The following MGAT4C variants were observed in gnomAD, a reference collection of about 807,000 sequenced individuals.
MGAT4C encodes the protein MGAT4 family member C.
Under a neutral mutation model 40.1 loss-of-function variants are expected in MGAT4C, and 19 were observed. The ratio of observed to expected loss-of-function variants is 0.47; its 90% CI spans 0.33 to 0.70. The LOEUF (loss-of-function observed/expected upper bound fraction) is 0.70. MGAT4C is among the 30% of genes least tolerant of loss of function. The probability of loss-of-function intolerance (pLI) is 0.02; values close to 1 mark genes in which losing one functional copy is unlikely to be tolerated. For synonymous variants in MGAT4C, 181 were observed against 187.1 expected, an observed-to-expected ratio of 0.97 and a Z score of 0.27; for missense variants, 491 against 563.2, an observed-to-expected ratio of 0.87 and a Z score of 1.30.
chr12:86,554,133 T>TACACAC (rs5799783), intron 2 of MGAT4C, among the ~76,000 whole-genome samples: 210 of 149,992 alleles, frequency 1.4e-3, no homozygotes, highest in African/African-American at 4.9e-3. Flanking sequence ...TACACATACA[T>TACACAC]ACACACACAC....
chr12:86,645,756 T>C (rs996054438), intron 2 of MGAT4C, among the ~76,000 whole-genome samples: 2 of 151,750 alleles, frequency 1.3e-5, no homozygotes, highest in East Asian at 3.9e-4. Flanking sequence ...GCAGTGGCCT[T>C]TTACCCTTGT....
intron 2 of MGAT4C, among the ~76,000 whole-genome samples, chr12:86,510,824 C>A (rs1244663670): frequency 1.3e-5 from 2 of 152,074 alleles, no homozygotes; most frequent in Non-Finnish European, 2.9e-5. Flanking sequence ...AATACAGGAG[C>A]ACCCAGATTC....
intron 2 of MGAT4C, among the ~76,000 whole-genome samples, chr12:86,611,193 T>C (rs1050157035): frequency 6.6e-6 from 1 of 152,078 alleles, no homozygotes; most frequent in African/African-American, 2.4e-5. Flanking sequence ...ACAAAAATTT[T>C]AAAGGATAGA....
chr12:86,103,441 G>A (rs954762598), intron 1 of MGAT4C, among the ~76,000 whole-genome samples: 2 of 152,096 alleles, frequency 1.3e-5, no homozygotes, highest in East Asian at 1.9e-4. Context: ...CAGAGCCAGA[G>A]ACTAGGGTGC....
chr12:86,815,960 G>A (rs978848107), intron 1 of MGAT4C, among the ~76,000 whole-genome samples: 5 of 151,854 alleles, frequency 3.3e-5, no homozygotes, highest in African/African-American at 1.2e-4. Context: ...ACTTACTCTT[G>A]TAACCAAATA....
Position 86,692,815 on chromosome 12 carries a change from T to A in MGAT4C, c.-229+34394A>T, listed in dbSNP as rs527506315. Among the ~76,000 whole-genome samples, 9 of 152,146 alleles carry A rather than the reference T, an allele frequency of 5.9e-5. No individual in the cohort carries two copies. In the South Asian group the frequency reaches 1.9e-3, roughly 32 times the overall value. ...AGAGGATAGTCTTTTTGATGAAGAG[T>A]GCTGGATTGGTTGTCTACCTGAGAC... On this transcript the variant is annotated intron_variant, in intron 2 of 7. Coordinates refer to the MGAT4C transcript ENST00000548651.
intron 1 of MGAT4C, among the ~76,000 whole-genome samples, chr12:86,147,718 G>A (rs1329462673): frequency 1.3e-5 from 2 of 152,124 alleles, no homozygotes; most frequent in African/African-American, 4.8e-5. Flanking sequence ...GATTACTAGA[G>A]AGGAGGAAAA....
At chr12:86,585,732 TTA>T (rs1960995657) in intron 2 of MGAT4C, among the ~76,000 whole-genome samples, 1 of 149,742 alleles carries the variant, frequency 6.7e-6, no homozygotes, top group South Asian at 2.1e-4. Flanking sequence ...TTTATTTTTT[TTA>T]ATTTTTTTTT....
chr12:86,167,779 C>A (rs1270748884), intron 1 of MGAT4C, among the ~76,000 whole-genome samples: 1 of 152,200 alleles, frequency 6.6e-6, no homozygotes, highest in Non-Finnish European at 1.5e-5. Flanking sequence ...AACACTGATG[C>A]ATTGAAGGTT....
Position 85,964,555 on chromosome 12 carries a change from G to A in MGAT4C, c.*14734C>T, listed in dbSNP as rs930335285. 1 of 152,004 alleles carries A rather than the reference G, an allele frequency of 6.6e-6. No homozygotes were observed. The allele number at this position is 152,004 out of a possible 1,614,324, so 9.4% of individuals were successfully genotyped here. On this transcript the variant is annotated 3_prime_UTR_variant, in exon 5 of 5. Transcript: ENST00000611864. ...GGTAAAGGAAATTGACTAGGTTAAG[G>A]CAAATACATCATGTTTACTGGTAAA...
At chr12:86,831,479 A>G (rs948661399) in intron 1 of MGAT4C, among the ~76,000 whole-genome samples, 2 of 151,876 alleles carry the variant, frequency 1.3e-5, no homozygotes, top group African/African-American at 4.8e-5. Context: ...TGGAAAAAAT[A>G]CAAACACACA....
At chr12:86,334,983 T>A (rs896982068) in intron 3 of MGAT4C, among the ~76,000 whole-genome samples, 1 of 152,126 alleles carries the variant, frequency 6.6e-6, no homozygotes, top group South Asian at 2.1e-4. Flanking sequence ...GAAAAATTCA[T>A]TTGAATATTT....
chr12:86,305,888 A>C (rs1002501289), intron 4 of MGAT4C, among the ~76,000 whole-genome samples: 1 of 150,484 alleles, frequency 6.6e-6, no homozygotes, highest in Admixed American at 6.6e-5. Flanking sequence ...ATATCAGTGG[A>C]TATGGAGGGG....
At chr12:86,183,040 C>T (rs1471181278) in intron 1 of MGAT4C, among the ~76,000 whole-genome samples, 2 of 152,118 alleles carry the variant, frequency 1.3e-5, no homozygotes, top group African/African-American at 2.4e-5. Flanking sequence ...AAACTGTACT[C>T]TTAAGCACTG....
chr12:86,588,157 A>G (rs1432105864), intron 2 of MGAT4C, among the ~76,000 whole-genome samples: 4 of 151,698 alleles, frequency 2.6e-5, no homozygotes, highest in Non-Finnish European at 5.9e-5. Flanking sequence ...TTTTAGCATG[A>G]AGCATTGTTG....
chr12:86,653,314 G>A (rs978337), intron 2 of MGAT4C, among the ~76,000 whole-genome samples: 151,497 of 151,922 alleles, frequency 1, 75,540 homozygotes, highest in Middle Eastern at 1. Context: ...AATAACTTCC[G>A]CTCACCTCAA....
At chr12:86,517,635 T>G (rs1346525001) in intron 2 of MGAT4C, among the ~76,000 whole-genome samples, 3 of 151,734 alleles carry the variant, frequency 2.0e-5, no homozygotes, top group Non-Finnish European at 4.4e-5. Flanking sequence ...TTTATTTGTT[T>G]GTTTGTTTGT....
chr12:86,714,751 G>A (rs975740974), intron 2 of MGAT4C, among the ~76,000 whole-genome samples: 1 of 147,962 alleles, frequency 6.8e-6, no homozygotes, highest in Non-Finnish European at 1.5e-5. Flanking sequence ...CAGAGAAGGA[G>A]TGAGGAAAGA....
chr12:86,101,886 T>A (rs1875140866), intron 1 of MGAT4C, among the ~76,000 whole-genome samples: 1 of 151,948 alleles, frequency 6.6e-6, no homozygotes, highest in Non-Finnish European at 1.5e-5. Context: ...AGGATCAAAG[T>A]CTTAAATTCC....
Sources: allele counts gnomAD v4.1 joint callset (sites outside exome capture counted in the v4.1 genomes callset), GRCh38; gene constraint gnomAD v4.1.1; transcripts MANE v1.5; gene names NCBI Gene and HGNC (gene_info 2026-07-23, HGNC 2026-07-21).